The following NFIB variants were observed in gnomAD, a reference collection of about 807,000 sequenced individuals.
NFIB encodes nuclear factor 1 B-type.
NFIB carries 11 observed loss-of-function variants against 61.5 expected under a neutral mutation model. The ratio of observed to expected loss-of-function variants is 0.18; its 90% CI spans 0.11 to 0.30. The LOEUF is 0.30. NFIB is among the 10% of genes least tolerant of loss of function. The probability of loss-of-function intolerance (pLI) is 1.00; values close to 1 mark genes in which losing one functional copy is unlikely to be tolerated. For missense variants in NFIB, 471 were observed against 608.9 expected (o/e 0.77, Z 2.38); for synonymous variants, 260 against 216.5 (o/e 1.20, Z -1.76).
At chr9:14,187,781 T>C (rs1443618231) in intron 2 of NFIB, among the ~76,000 whole-genome samples, 1 of 152,016 alleles carries the variant, frequency 6.6e-6, no homozygotes, top group Non-Finnish European at 1.5e-5. Flanking sequence ...GGAAAAAAAA[T>C]CATATTATCA....
At chr9:14,388,732 A>G (rs2061584986) in intron 1 of NFIB, among the ~76,000 whole-genome samples, 1 of 152,214 alleles carries the variant, frequency 6.6e-6, no homozygotes, top group South Asian at 2.1e-4. Flanking sequence ...AGGAAGTCTA[A>G]GGATATCTGT....
chr9:14,519,100 G>A, the NFIB span, among the ~76,000 whole-genome samples: 1 of 152,154 alleles, frequency 6.6e-6, no homozygotes, highest in Non-Finnish European at 1.5e-5. Context: ...GGTGGTGATG[G>A]TGGGGTGCCT....
At chr9:14,190,424 AG>A in intron 2 of NFIB, among the ~76,000 whole-genome samples, 1 of 152,302 alleles carries the variant, frequency 6.6e-6, no homozygotes, top group South Asian at 2.1e-4. Flanking sequence ...AAAATATTAG[AG>A]GAAAAAAATC....
chr9:14,448,039 G>A, the NFIB span, among the ~76,000 whole-genome samples: 1 of 152,098 alleles, frequency 6.6e-6, no homozygotes, highest in Non-Finnish European at 1.5e-5. Context: ...AAACTTGACT[G>A]AGAATCAAAA....
chr9:14,263,655 C>A (rs1281387144), intron 2 of NFIB, among the ~76,000 whole-genome samples: 1 of 152,140 alleles, frequency 6.6e-6, no homozygotes, highest in Non-Finnish European at 1.5e-5. Flanking sequence ...CTTTACTACT[C>A]AAAATCACCC....
At chr9:14,236,071 C>T (rs1441722217) in intron 2 of NFIB, among the ~76,000 whole-genome samples, 3 of 152,130 alleles carry the variant, frequency 2.0e-5, no homozygotes, top group African/African-American at 7.2e-5. Context: ...TAGCATTGAT[C>T]ATAACACAAT....
chr9:14,303,756 T>G (rs932790271), intron 2 of NFIB, among the ~76,000 whole-genome samples: 51 of 152,310 alleles, frequency 3.3e-4, no homozygotes, highest in African/African-American at 1.2e-3. Flanking sequence ...ACACAGTGTC[T>G]GCCTTTTTTT....
the NFIB span, among the ~76,000 whole-genome samples, chr9:14,429,010 T>C: frequency 6.6e-6 from 1 of 152,204 alleles, no homozygotes; most frequent in Non-Finnish European, 1.5e-5. Context: ...CCTCCCTGCC[T>C]GGCTCTTTGC....
chr9:14,342,797 A>C (rs915741755), intron 1 of NFIB, among the ~76,000 whole-genome samples: 8 of 152,170 alleles, frequency 5.3e-5, no homozygotes, highest in Admixed American at 3.9e-4. Context: ...ATGCATGTGC[A>C]TATGTGTGTT....
chr9:14,152,241 T>C (rs889085779), intron 4 of NFIB, among the ~76,000 whole-genome samples: 6 of 152,106 alleles, frequency 3.9e-5, no homozygotes, highest in Non-Finnish European at 8.8e-5. Context: ...CACTGTAACA[T>C]CCTTTACACA....
chr9:14,371,518 T>C (rs1050894531), intron 1 of NFIB, among the ~76,000 whole-genome samples: 1 of 152,188 alleles, frequency 6.6e-6, no homozygotes, highest in African/African-American at 2.4e-5. Flanking sequence ...TAGACTTTAG[T>C]CCTCTCCTAT....
At chr9:14,485,208 A>C in the NFIB span, among the ~76,000 whole-genome samples, 1 of 152,212 alleles carries the variant, frequency 6.6e-6, no homozygotes, top group East Asian at 1.9e-4. Flanking sequence ...TCCATAACAG[A>C]AACCTCATGA....
At chr9:14,217,098 T>C (rs2051014292) in intron 2 of NFIB, among the ~76,000 whole-genome samples, 1 of 152,222 alleles carries the variant, frequency 6.6e-6, no homozygotes, top group African/African-American at 2.4e-5. Context: ...CCCAAAACCT[T>C]ATTTTTGGTA....
At chr9:14,091,407 C>A (rs1002528643) in intron 10 of NFIB, among the ~76,000 whole-genome samples, 1 of 151,924 alleles carries the variant, frequency 6.6e-6, no homozygotes, top group Admixed American at 6.6e-5. Context: ...GCTTTTTATA[C>A]ATCTAACTCT....
chr9:14,475,229 G>A, the NFIB span, among the ~76,000 whole-genome samples: 3 of 152,218 alleles, frequency 2.0e-5, no homozygotes, highest in Non-Finnish European at 2.9e-5. Flanking sequence ...CGTGCTAAGT[G>A]ACTTGCCCAT....
intron 2 of NFIB, among the ~76,000 whole-genome samples, chr9:14,192,846 A>G (rs73645008): frequency 0.048 from 7,366 of 152,050 alleles, 524 homozygotes; most frequent in African/African-American, 0.16. Flanking sequence ...AATTCCTCCT[A>G]TTGGACTATC....
chr9:14,453,984 A>C, the NFIB span, among the ~76,000 whole-genome samples: 1 of 152,130 alleles, frequency 6.6e-6, no homozygotes, highest in African/African-American at 2.4e-5. Context: ...AGGCTGAGGC[A>C]GGAGAATCGC....
At chr9:14,201,139 C>T (rs2048988321) in intron 2 of NFIB, among the ~76,000 whole-genome samples, 1 of 152,190 alleles carries the variant, frequency 6.6e-6, no homozygotes, top group African/African-American at 2.4e-5. Flanking sequence ...ATAGCCTCAG[C>T]CTCCTCAGGC....
chr9:14,405,658 CA>C, the NFIB span, among the ~76,000 whole-genome samples: 1 of 151,950 alleles, frequency 6.6e-6, no homozygotes, highest in African/African-American at 2.4e-5. Context: ...TGTTTTCAAG[CA>C]AAAATGAAAT....
Sources: allele counts gnomAD v4.1 joint callset (sites outside exome capture counted in the v4.1 genomes callset), GRCh38; gene constraint gnomAD v4.1.1; transcripts MANE v1.5; gene names NCBI Gene and HGNC (gene_info 2026-07-23, HGNC 2026-07-21).